KDM6A: variants seen among roughly 807,000 people sequenced by gnomAD.
KDM6A encodes lysine demethylase 6A.
KDM6A carries 11 observed loss-of-function variants against 117.6 expected under a neutral mutation model. The observed-to-expected ratio is 0.09, with a 90% CI of 0.06 to 0.15. The LOEUF (loss-of-function observed/expected upper bound fraction) is 0.15, where lower values mean the gene tolerates loss of function less well. KDM6A is among the 10% of genes least tolerant of loss of function. The pLI, the probability that KDM6A is intolerant of heterozygous loss-of-function variation, is 1.00. For synonymous variants in KDM6A, 384 were observed against 396.1 expected (o/e 0.97, Z 0.36); for missense variants, 799 against 1,077.3 (o/e 0.74, Z 3.62).
At chrX:45,029,188 A>G (rs762096808) in intron 6 of KDM6A, among the ~76,000 whole-genome samples, 70 of 111,692 alleles carry the variant, frequency 6.3e-4, no homozygotes, top group African/African-American at 2.0e-3. Flanking sequence ...TAATCCCAGC[A>G]CTTTGGGAGG....
At chrX:45,027,994 G>A (rs1602630081) in intron 6 of KDM6A, among the ~76,000 whole-genome samples, 1 of 109,488 alleles carries the variant, frequency 9.1e-6, no homozygotes, top group Non-Finnish European at 1.9e-5. Flanking sequence ...GGGTTTCATC[G>A]TATGGTCAGG....
At chrX:45,076,500 G>A (rs1302220567) in intron 18 of KDM6A, among the ~76,000 whole-genome samples, 197 bp from the exon 19 acceptor site, 3 of 110,858 alleles carry the variant, frequency 2.7e-5, no homozygotes, top group African/African-American at 9.8e-5. Context: ...TCCTTCAGTG[G>A]AGGATATATA....
intron 2 of KDM6A, among the ~76,000 whole-genome samples, chrX:44,923,977 C>G (rs1430828651): frequency 8.9e-6 from 1 of 111,981 alleles, no homozygotes; most frequent in Admixed American, 9.4e-5. Context: ...TCTGCCACGG[C>G]CTCCCAAAGT....
At position 45,111,427 on chromosome X, in the gene KDM6A, A is replaced by C; in HGVS notation, c.*16A>C. On this transcript the variant is annotated 3_prime_UTR_variant, in exon 30 of 30. Coordinates refer to ENST00000611820, the MANE Select transcript of KDM6A (RefSeq NM_001291415.2). Reference sequence around the variant, plus strand: ...CTCATCTTGATATTGTTCCATGGACATTAAATGAGACCTTTTCTGCTATTC... The same window carrying C: ...CTCATCTTGATATTGTTCCATGGACCTTAAATGAGACCTTTTCTGCTATTC... 1 of 1,172,123 alleles carries C rather than the reference A, an allele frequency of 8.5e-7. No individual in the cohort carries two copies. The highest frequency in any genetic ancestry group is 1.2e-6 in the Non-Finnish European group (1 of 860,372).
intron 1 of KDM6A, 85 bp downstream of exon 1, chrX:44,873,797 C>T (rs1368791724): frequency 1.8e-6 from 2 of 1,140,136 alleles, no homozygotes; most frequent in Non-Finnish European, 1.2e-6. Context: ...TTGTCTCTGG[C>T]GGCGGCGGGG....
chrX:44,918,268 T>G (rs1001581943), intron 2 of KDM6A, among the ~76,000 whole-genome samples: 3 of 111,954 alleles, frequency 2.7e-5, no homozygotes, highest in Non-Finnish European at 3.8e-5. Context: ...ATAAATCACT[T>G]GATTAATGTT....
chrX:45,008,184 C>T lies in KDM6A; in HGVS notation c.385-2777C>T, dbSNP rs949423170. Among the ~76,000 whole-genome samples the T allele has an allele frequency of 3.6e-5, 4 of 110,198 alleles. 1 individual carries two copies. Among genetic ancestry groups the T allele is most frequent in the Non-Finnish European group, 5.7e-5 (3 of 52,794 alleles). On this transcript the variant is annotated intron_variant, in intron 4 of 29. Coordinates refer to ENST00000611820, the MANE Select transcript of KDM6A (RefSeq NM_001291415.2). ...AAGTTGGGAGAATGTACAGTGTGTCCTGAAATCAGAAATGCCCGTCTCTAC... is the reference window on the plus strand; with the variant it reads ...AAGTTGGGAGAATGTACAGTGTGTCTTGAAATCAGAAATGCCCGTCTCTAC...
chrX:45,071,886 C>G (rs1331314354), intron 18 of KDM6A, among the ~76,000 whole-genome samples: 1 of 110,916 alleles, frequency 9.0e-6, no homozygotes, highest in Non-Finnish European at 1.9e-5. Context: ...TCTCCTGCCT[C>G]AAGCCTCCCA....
At chrX:45,015,490 C>T (rs1037349758) in intron 5 of KDM6A, among the ~76,000 whole-genome samples, 1 of 111,018 alleles carries the variant, frequency 9.0e-6, no homozygotes, top group Non-Finnish European at 1.9e-5. Context: ...AATTTCTACT[C>T]TCCTGTATAG....
rs200940701 is a variant in KDM6A at position 45,069,877 on chromosome X, C to T, written c.2378C>T (p.Thr793Ile). ...SRHTGETPNS[T>I]ASVEGLPNHV... ...CACACTGGAGAGACACCTAACAGCA[C>T]TGCCAGTGTCGAGGGACTTCCTAAT... Residue 793 changes from threonine to isoleucine, a missense_variant, in exon 18 of 30, where the codon ACT becomes ATT. Coordinates refer to ENST00000611820, the MANE Select transcript of KDM6A (RefSeq NM_001291415.2). 1.5e-5 allele frequency: 18 copies of T among 1,209,630 alleles called. No homozygotes were observed. In the African/African-American group the frequency reaches 1.6e-4, roughly 11 times the overall value.
chrX:44,980,543 CAT>C (rs1235099203), intron 4 of KDM6A, among the ~76,000 whole-genome samples: 6 of 107,546 alleles, frequency 5.6e-5, no homozygotes, highest in African/African-American at 1.7e-4. Context: ...GTTCTTATCA[CAT>C]ATGTTTTACG....
chrX:44,886,649 C>T (rs887039592), intron 2 of KDM6A, among the ~76,000 whole-genome samples: 1 of 108,385 alleles, frequency 9.2e-6, no homozygotes, highest in Admixed American at 1.0e-4. Flanking sequence ...ACCACCACGC[C>T]CTGCTGATTT....
intron 4 of KDM6A, among the ~76,000 whole-genome samples, chrX:44,987,602 G>T (rs1405682771): frequency 9.0e-6 from 1 of 111,515 alleles, no homozygotes; most frequent in Non-Finnish European, 1.9e-5. Context: ...GGGCAGGCCT[G>T]GTGGTGATAA....
rs1328571509 is a variant in KDM6A, at chrX:44,918,880, AGTTTTACAT to A, written c.226-42399_226-42391del. Among the ~76,000 whole-genome samples the A allele has an allele frequency of 9.8e-5, 11 of 111,845 alleles. No homozygotes were observed. The Admixed American group carries it at 1.0e-3, about 11-fold the overall frequency. On this transcript the variant is annotated intron_variant, in intron 2 of 29. Coordinates refer to ENST00000611820, the MANE Select transcript of KDM6A (RefSeq NM_001291415.2). ...CATGCTTACATTTTTCATGTTTACAAGTTTTACATGTTTACAAGTTTACAGTTTGCATGT... is the reference window on the plus strand; with the variant it reads ...CATGCTTACATTTTTCATGTTTACAAGTTTACAAGTTTACAGTTTGCATGT...
chrX:44,999,412 T>C (rs1159877848), intron 4 of KDM6A, among the ~76,000 whole-genome samples: 3 of 110,492 alleles, frequency 2.7e-5, no homozygotes, highest in African/African-American at 6.6e-5. Flanking sequence ...TAATTCTGAT[T>C]GGCTAAAGAG....
intron 2 of KDM6A, among the ~76,000 whole-genome samples, chrX:44,952,563 G>T (rs1467205291): frequency 1.8e-5 from 2 of 111,340 alleles, no homozygotes; most frequent in Non-Finnish European, 3.8e-5. Flanking sequence ...GCGAGCCACC[G>T]CGTTCAACCC....
intron 2 of KDM6A, among the ~76,000 whole-genome samples, chrX:44,928,962 C>A (rs753541614): frequency 9.0e-6 from 1 of 111,250 alleles, no homozygotes; most frequent in African/African-American, 3.3e-5. Context: ...GACGGAGTGT[C>A]GCTCTGTCAC....
At chrX:44,958,070 T>G (rs935288099) in intron 2 of KDM6A, among the ~76,000 whole-genome samples, 3 of 112,072 alleles carry the variant, frequency 2.7e-5, no homozygotes, top group African/African-American at 9.7e-5. Context: ...CAGAAATTGC[T>G]CTGTTGATTG....
chrX:45,021,754 G>A (rs974513208), intron 6 of KDM6A, among the ~76,000 whole-genome samples: 1 of 111,687 alleles, frequency 9.0e-6, no homozygotes, highest in African/African-American at 3.3e-5. Context: ...AGTAGATTGC[G>A]AAGAATTTAG....
Sources: gnomAD v4.1 joint callset for allele counts (sites outside exome capture counted in the v4.1 genomes callset) on GRCh38, gnomAD v4.1.1 for gene constraint, MANE v1.5 for transcripts, NCBI Gene and HGNC (gene_info 2026-07-23, HGNC 2026-07-21) for gene names.